Variants in SORCS1 observed in about 807,000 individuals in gnomAD.
SORCS1 encodes VPS10 domain-containing receptor SorCS1.
SORCS1 carries 60 observed loss-of-function variants against 146.1 expected under a neutral mutation model. The ratio of observed to expected loss-of-function variants is 0.41; its 90% CI spans 0.33 to 0.51. SORCS1 has a LOEUF of 0.51. Ranked by LOEUF, SORCS1 falls within the 20% of genes least tolerant of loss-of-function variation. The probability of loss-of-function intolerance (pLI) is 0.21; values close to 1 mark genes in which losing one functional copy is unlikely to be tolerated. For synonymous variants in SORCS1, 637 were observed against 584.0 expected (o/e 1.09, Z -1.31); for missense variants, 1,352 against 1,487.6 (o/e 0.91, Z 1.50).
intron 1 of SORCS1, among the ~76,000 whole-genome samples, chr10:106,958,368 CAGTAAGCAT>C (rs1262430203): frequency 6.6e-6 from 1 of 152,220 alleles, no homozygotes; most frequent in East Asian, 1.9e-4. Context: ...GTTCTAGCCA[CAGTAAGCAT>C]AGAACATTCT....
chr10:106,583,730 G>C (rs780566016), intron 24 of SORCS1, among the ~76,000 whole-genome samples: 1 of 151,662 alleles, frequency 6.6e-6, no homozygotes, highest in Non-Finnish European at 1.5e-5. Flanking sequence ...GGCTGGTCTC[G>C]AACGCTAACC....
At chr10:107,012,668 C>T (rs1957740394) in intron 1 of SORCS1, among the ~76,000 whole-genome samples, 1 of 152,070 alleles carries the variant, frequency 6.6e-6, no homozygotes, top group Non-Finnish European at 1.5e-5. Flanking sequence ...AGGTAATCTG[C>T]CTCTAGTGTC....
chr10:106,822,802 T>TGTTTTTTTTTTTTTTTTTTTTG (rs1948118409), intron 3 of SORCS1, among the ~76,000 whole-genome samples: 1 of 140,120 alleles, frequency 7.1e-6, no homozygotes, highest in African/African-American at 2.8e-5. Flanking sequence ...TTTTTTTTTT[T>TGTTTTTTTTTTTTTTTTTTTTG]GAATATTGCT....
chr10:106,589,042 T>A (rs1044506053), intron 24 of SORCS1, among the ~76,000 whole-genome samples: 1 of 152,076 alleles, frequency 6.6e-6, no homozygotes, highest in African/African-American at 2.4e-5. Flanking sequence ...CCACCCTGAG[T>A]TGGAAAGAGT....
chr10:107,085,020 A>G (rs747894733), intron 1 of SORCS1, among the ~76,000 whole-genome samples: 1 of 152,160 alleles, frequency 6.6e-6, no homozygotes, highest in African/African-American at 2.4e-5. Context: ...GAGCGTTCAG[A>G]GCAGTGTGAA....
At chr10:106,812,125 C>T (rs1372052401) in intron 3 of SORCS1, among the ~76,000 whole-genome samples, 4 of 152,004 alleles carry the variant, frequency 2.6e-5, no homozygotes, top group Admixed American at 1.3e-4. Flanking sequence ...CTCAGCCTCC[C>T]GAGTAGCTGG....
At chr10:106,731,133 C>T (rs1239029507) in intron 5 of SORCS1, among the ~76,000 whole-genome samples, 1 of 150,902 alleles carries the variant, frequency 6.6e-6, no homozygotes, top group Non-Finnish European at 1.5e-5. Flanking sequence ...CACGGTGAAA[C>T]CCCATCTCTA....
At chr10:106,607,725 G>A (rs1846704494) in intron 22 of SORCS1, among the ~76,000 whole-genome samples, 1 of 152,146 alleles carries the variant, frequency 6.6e-6, no homozygotes, top group Non-Finnish European at 1.5e-5. Context: ...ATGCCAGTGA[G>A]AAGACCTTCA....
intron 1 of SORCS1, among the ~76,000 whole-genome samples, chr10:107,134,319 T>G (rs1004499861): frequency 2.6e-5 from 4 of 152,208 alleles, no homozygotes; most frequent in African/African-American, 7.2e-5. Flanking sequence ...TCTTTCTACC[T>G]CTAACTAAAG....
At chr10:106,704,701 A>C (rs1380399906) in intron 8 of SORCS1, among the ~76,000 whole-genome samples, 1 of 152,118 alleles carries the variant, frequency 6.6e-6, no homozygotes, top group East Asian at 1.9e-4. Flanking sequence ...AAAACAAAAC[A>C]AAACAAAAAC....
chr10:107,043,804 TCTACCCCA>T (rs1959193380), intron 1 of SORCS1, among the ~76,000 whole-genome samples: 1 of 152,204 alleles, frequency 6.6e-6, no homozygotes, highest in South Asian at 2.1e-4. Context: ...TTAATGCCTG[TCTACCCCA>T]CTAAGATAAA....
chr10:106,962,425 G>GA (rs1554896549), intron 1 of SORCS1, among the ~76,000 whole-genome samples: 2 of 127,890 alleles, frequency 1.6e-5, no homozygotes, highest in Non-Finnish European at 3.3e-5. Flanking sequence ...AGAAAGAAAA[G>GA]AAAAGAAAAA....
intron 19 of SORCS1, among the ~76,000 whole-genome samples, chr10:106,628,612 G>T (rs1848243768): frequency 6.6e-6 from 1 of 152,086 alleles, no homozygotes; most frequent in African/African-American, 2.4e-5. Context: ...AGCATTTCTT[G>T]GAACTGTTTC....
intron 2 of SORCS1, among the ~76,000 whole-genome samples, chr10:106,926,864 CACAGAGAG>C (rs1419990884): frequency 1.9e-3 from 133 of 70,730 alleles, no homozygotes; most frequent in African/African-American, 9.3e-3. Context: ...CACACACACA[CACAGAGAG>C]AGAGAGAGAG....
rs1284446403 is a variant in SORCS1, at chr10:106,575,153, C to A, written c.*2267G>T. 6.6e-6 allele frequency: 1 copy of A among 152,562 alleles called. No homozygotes were observed. Among genetic ancestry groups the A allele is most frequent in the Non-Finnish European group, 1.5e-5 (1 of 68,028 alleles). 9.5% of individuals were successfully genotyped at this position (152,562 alleles called of 1,614,324 possible). On this transcript the variant is annotated 3_prime_UTR_variant, in exon 26 of 26. Transcript: ENST00000263054. ...TCTTCCACATTAAATTTGGGAGACT[C>A]CAACTGAAGAGGATCAATGAGGATG...
chr10:106,792,663 C>A (rs1031158151), intron 3 of SORCS1, among the ~76,000 whole-genome samples: 2 of 152,174 alleles, frequency 1.3e-5, no homozygotes, highest in Non-Finnish European at 2.9e-5. Flanking sequence ...TAAGCACGGG[C>A]TTATAGAGTA....
At chr10:106,591,534 C>T (rs1845603861) in intron 24 of SORCS1, among the ~76,000 whole-genome samples, 1 of 152,114 alleles carries the variant, frequency 6.6e-6, no homozygotes, top group Admixed American at 6.5e-5. Flanking sequence ...TATATCTCTG[C>T]AGGCTATAAA....
At chr10:107,135,963 C>G (rs745366472) in intron 1 of SORCS1, among the ~76,000 whole-genome samples, 1 of 152,098 alleles carries the variant, frequency 6.6e-6, no homozygotes, top group African/African-American at 2.4e-5. Context: ...GTTGTTATAG[C>G]AACTGAAAGC....
chr10:107,132,611 G>T (rs1966942027), intron 1 of SORCS1, among the ~76,000 whole-genome samples: 1 of 152,074 alleles, frequency 6.6e-6, no homozygotes, highest in Admixed American at 6.5e-5. Context: ...GAAATAAAGG[G>T]CTGGCTAAGC....
Sources: allele counts gnomAD v4.1 joint callset (sites outside exome capture counted in the v4.1 genomes callset), GRCh38; gene constraint gnomAD v4.1.1; transcripts MANE v1.5; gene names NCBI Gene and HGNC (gene_info 2026-07-23, HGNC 2026-07-21).